Variants in LOC400499 observed in about 807,000 individuals in gnomAD.
chr16:11,378,743 T>TCA, the LOC400499 span, among the ~76,000 whole-genome samples: 1 of 152,252 alleles, frequency 6.6e-6, no homozygotes, highest in African/African-American at 2.4e-5. Flanking sequence ...TGTGGATATT[T>TCA]CAGTTTTCCT....
chr16:11,416,494 C>T, the LOC400499 span, among the ~76,000 whole-genome samples: 1 of 152,152 alleles, frequency 6.6e-6, no homozygotes, highest in Non-Finnish European at 1.5e-5. Context: ...CTCATAGGCT[C>T]GTTCATGCAC....
the LOC400499 span, among the ~76,000 whole-genome samples, chr16:11,482,980 C>G: frequency 6.6e-6 from 1 of 151,246 alleles, no homozygotes; most frequent in African/African-American, 2.4e-5. Flanking sequence ...AGAAAACAAG[C>G]CAACAAAATA....
chr16:11,429,271 C>T, the LOC400499 span, among the ~76,000 whole-genome samples: 1 of 152,160 alleles, frequency 6.6e-6, no homozygotes, highest in African/African-American at 2.4e-5. Flanking sequence ...CAGCTCCCCC[C>T]TCTTTCTCTT....
At chr16:11,443,467 TAAAAAA>T in the LOC400499 span, 3 of 133,444 alleles carry the variant, frequency 2.2e-5, no homozygotes, top group Non-Finnish European at 2.9e-5. Context: ...GACTCTGTCT[TAAAAAA>T]AAAAAAAAAA....
At chr16:11,518,787 G>A in the LOC400499 span, 1 of 397,940 alleles carries the variant, frequency 2.5e-6, no homozygotes, top group East Asian at 3.6e-5. Context: ...CTAACCAATT[G>A]TCCTAATCTA....
the LOC400499 span, among the ~76,000 whole-genome samples, chr16:11,401,798 CGG>C: frequency 6.6e-6 from 1 of 152,232 alleles, no homozygotes; most frequent in African/African-American, 2.4e-5. Context: ...GAACCTATCA[CGG>C]GGTAAGCATT....
At chr16:11,476,426 C>T in the LOC400499 span, among the ~76,000 whole-genome samples, 1 of 152,028 alleles carries the variant, frequency 6.6e-6, no homozygotes, top group South Asian at 2.1e-4. Flanking sequence ...GTCAGACACG[C>T]CCACCCTTCA....
the LOC400499 span, among the ~76,000 whole-genome samples, chr16:11,403,325 T>C: frequency 7.9e-5 from 12 of 152,152 alleles, no homozygotes; most frequent in Non-Finnish European, 1.8e-4. Flanking sequence ...GAACCCTTTG[T>C]TCCTGCCACC....
the LOC400499 span, among the ~76,000 whole-genome samples, chr16:11,456,172 G>A: frequency 5.3e-5 from 8 of 151,922 alleles, no homozygotes; most frequent in East Asian, 1.9e-4. Flanking sequence ...AGCCTCCCGA[G>A]TAGCTGGCAT....
the LOC400499 span, among the ~76,000 whole-genome samples, chr16:11,506,481 C>G: frequency 1.3e-5 from 2 of 152,222 alleles, no homozygotes; most frequent in African/African-American, 4.8e-5. Context: ...ACACCTGTAA[C>G]TCGAGCTCCT....
the LOC400499 span, among the ~76,000 whole-genome samples, chr16:11,512,171 A>G: frequency 9.2e-5 from 14 of 152,284 alleles, no homozygotes; most frequent in African/African-American, 3.4e-4. Context: ...AATCTCAGCT[A>G]CTCAGGAGGC....
At chr16:11,461,027 C>A in the LOC400499 span, 7 of 1,536,156 alleles carry the variant, frequency 4.6e-6, no homozygotes, top group East Asian at 9.8e-5. Context: ...TGCAGCAGGC[C>A]AAGGGCACGA....
the LOC400499 span, chr16:11,488,821 G>A: frequency 5.0e-6 from 2 of 398,826 alleles, no homozygotes; most frequent in South Asian, 1.3e-4. Context: ...TCAGGGGGTC[G>A]TGCGTCTCCA....
chr16:11,428,563 A>G, the LOC400499 span, among the ~76,000 whole-genome samples: 23,868 of 152,134 alleles, frequency 0.16, 3,686 homozygotes, highest in African/African-American at 0.39. Flanking sequence ...GAATGTAGTA[A>G]TGAGAACGAA....
At chr16:11,423,844 G>C in the LOC400499 span, among the ~76,000 whole-genome samples, 1 of 152,226 alleles carries the variant, frequency 6.6e-6, no homozygotes, top group Admixed American at 6.5e-5. Flanking sequence ...CCTGGCCCAT[G>C]TGGGCACCCA....
the LOC400499 span, among the ~76,000 whole-genome samples, chr16:11,479,105 C>G: frequency 2.3e-3 from 357 of 152,178 alleles, 1 homozygote; most frequent in African/African-American, 8.2e-3. Context: ...ATACACAGGG[C>G]AAAGTGCCTG....
the LOC400499 span, chr16:11,469,185 T>C: frequency 2.5e-6 from 1 of 399,556 alleles, no homozygotes. Flanking sequence ...CTTGATGTAG[T>C]AGACGTCCCT....
At chr16:11,399,627 G>A in the LOC400499 span, 1 of 398,606 alleles carries the variant, frequency 2.5e-6, no homozygotes, top group African/African-American at 2.1e-5. Flanking sequence ...TAGGGTACAT[G>A]ACCTGGGGGG....
the LOC400499 span, among the ~76,000 whole-genome samples, chr16:11,473,769 A>AAAAG: frequency 6.6e-6 from 1 of 151,586 alleles, no homozygotes; most frequent in Non-Finnish European, 1.5e-5. Context: ...AAAAAAAAAA[A>AAAAG]GTTATGCGAT....
Sources: gnomAD v4.1 joint callset for allele counts (sites outside exome capture counted in the v4.1 genomes callset) on GRCh38, gnomAD v4.1.1 for gene constraint, MANE v1.5 for transcripts.